STAU2: variants seen among roughly 807,000 people sequenced by gnomAD.
STAU2 encodes the protein double-stranded RNA-binding protein Staufen homolog 2.
Under a neutral mutation model 65.9 loss-of-function variants are expected in STAU2, and 20 were observed. The observed-to-expected ratio is 0.30, with a 90% CI of 0.21 to 0.44. The LOEUF (loss-of-function observed/expected upper bound fraction) is 0.44. Among genes scored for constraint, STAU2 ranks in the 20% least tolerant of loss-of-function variants. STAU2 has a pLI of 1.00. For missense variants in STAU2, 558 were observed against 683.9 expected, an observed-to-expected ratio of 0.82 and a Z score of 2.05; for synonymous variants, 232 against 233.9, an observed-to-expected ratio of 0.99 and a Z score of 0.07.
At chr8:73,605,836 TACACATACACAC>T (rs1811968502) in intron 9 of STAU2, among the ~76,000 whole-genome samples, 1 of 78,536 alleles carries the variant, frequency 1.3e-5, no homozygotes, top group Non-Finnish European at 2.7e-5. Flanking sequence ...TATACACACA[TACACATACACAC>T]ACACACACAC....
At chr8:73,469,518 G>C (rs1438972046) in intron 13 of STAU2, among the ~76,000 whole-genome samples, 3 of 151,544 alleles carry the variant, frequency 2.0e-5, no homozygotes, top group African/African-American at 7.3e-5. Flanking sequence ...CTGAGTAGAA[G>C]GACTGAGTAA....
chr8:73,617,509 T>C (rs1812915055), intron 6 of STAU2, 58 bp from the exon 7 acceptor site: 5 of 1,502,706 alleles, frequency 3.3e-6, no homozygotes, highest in Non-Finnish European at 3.6e-6. Flanking sequence ...CTATAATCAT[T>C]CATAAGATTT....
At chr8:73,626,074 TACACACACACAC>T (rs57076627) in intron 6 of STAU2, among the ~76,000 whole-genome samples, 1 of 146,060 alleles carries the variant, frequency 6.8e-6, no homozygotes, top group Non-Finnish European at 1.5e-5. Context: ...TAAGTACACA[TACACACACACAC>T]ACACACACAC....
At chr8:73,474,653 A>AG (rs2128907507) in intron 13 of STAU2, among the ~76,000 whole-genome samples, 1 of 152,224 alleles carries the variant, frequency 6.6e-6, no homozygotes, top group East Asian at 1.9e-4. Context: ...TAGGGGAGGA[A>AG]GAAAAAAAAA....
Position 73,591,877 on chromosome 8 carries a change from A to G in STAU2, c.1161+3289T>C, listed in dbSNP as rs1455792999. Among the ~76,000 whole-genome samples, 47 of 101,666 alleles carry G rather than the reference A, an allele frequency of 4.6e-4. 1 individual carries two copies. The highest frequency in any genetic ancestry group is 7.2e-4 in the Non-Finnish European group (38 of 52,702). 66.7% of individuals were successfully genotyped at this position (101,666 alleles called of 152,430 possible). ...TAAAAACCCATACAGCGTGTATCCCAGAGGTAAAAAAAAAAAAAAAAAAAA... is the reference window on the plus strand; with the variant it reads ...TAAAAACCCATACAGCGTGTATCCCGGAGGTAAAAAAAAAAAAAAAAAAAA... On this transcript the variant is annotated intron_variant, in intron 11 of 14. Transcript: ENST00000524300.
At chr8:73,585,351 A>G (rs1422796854) in intron 11 of STAU2, among the ~76,000 whole-genome samples, 1 of 152,206 alleles carries the variant, frequency 6.6e-6, no homozygotes, top group African/African-American at 2.4e-5. Context: ...ATGGTGGCCC[A>G]TGCCGGTAAT....
At chr8:73,620,649 A>G (rs2129919370) in intron 6 of STAU2, among the ~76,000 whole-genome samples, 1 of 152,360 alleles carries the variant, frequency 6.6e-6, no homozygotes, top group South Asian at 2.1e-4. Context: ...GTGGATATAT[A>G]TGTATATATA....
chr8:73,479,031 C>T (rs1473401262), intron 13 of STAU2, among the ~76,000 whole-genome samples: 1 of 152,030 alleles, frequency 6.6e-6, no homozygotes, highest in African/African-American at 2.4e-5. Flanking sequence ...TCCATGAACC[C>T]ATGCCCCAGA....
intron 5 of STAU2, among the ~76,000 whole-genome samples, chr8:73,682,380 G>C (rs1412688754): frequency 6.6e-6 from 1 of 151,442 alleles, no homozygotes; most frequent in Non-Finnish European, 1.5e-5. Context: ...AATGATTGTT[G>C]GGTCAACAAT....
chr8:73,456,311 C>T (rs1225581453), intron 13 of STAU2, among the ~76,000 whole-genome samples: 1 of 152,110 alleles, frequency 6.6e-6, no homozygotes, highest in East Asian at 1.9e-4. Context: ...TAAATAGGGC[C>T]TCTTTAAAAC....
At chr8:73,475,843 CA>C (rs1820297826) in intron 13 of STAU2, among the ~76,000 whole-genome samples, 1 of 152,132 alleles carries the variant, frequency 6.6e-6, no homozygotes, top group Non-Finnish European at 1.5e-5. Flanking sequence ...ACTGCTAAAC[CA>C]ATTTACTTTT....
intron 8 of STAU2, among the ~76,000 whole-genome samples, chr8:73,615,027 T>C (rs1230428523): frequency 6.6e-6 from 1 of 152,150 alleles, no homozygotes; most frequent in African/African-American, 2.4e-5. Flanking sequence ...TGTCATACAA[T>C]GTGAGGGAAG....
intron 13 of STAU2, among the ~76,000 whole-genome samples, chr8:73,446,954 G>A (rs1374527756): frequency 6.6e-6 from 1 of 152,128 alleles, no homozygotes. Flanking sequence ...GTTTGTTTGT[G>A]TTTTTGAGAC....
chr8:73,515,773 CTTTTTTTTTTTTTTTTT>C (rs75132374), intron 13 of STAU2, among the ~76,000 whole-genome samples: 1 of 90,936 alleles, frequency 1.1e-5, no homozygotes. Context: ...AAAAATTTCT[CTTTTTTTTTTTTTTTTT>C]TTTTTTTTTG....
At chr8:73,616,152 G>T (rs897218820) in intron 7 of STAU2, among the ~76,000 whole-genome samples, 2 of 152,090 alleles carry the variant, frequency 1.3e-5, no homozygotes, top group Non-Finnish European at 2.9e-5. Context: ...TGATCTATGA[G>T]GATGAAGTTA....
At chr8:73,618,497 G>C (rs879901869) in intron 6 of STAU2, among the ~76,000 whole-genome samples, 1 of 152,220 alleles carries the variant, frequency 6.6e-6, no homozygotes, top group African/African-American at 2.4e-5. Context: ...TCTGGCAAAA[G>C]TTTAGGGAGA....
At chr8:73,533,449 T>C (rs546141969) in intron 13 of STAU2, among the ~76,000 whole-genome samples, 1 of 152,368 alleles carries the variant, frequency 6.6e-6, no homozygotes, top group South Asian at 2.1e-4. Context: ...TGAGATGGTA[T>C]ACTAAGTTTC....
At position 73,420,411 on chromosome 8, in the gene STAU2, G is replaced by A. The variant is rs1021948560; in HGVS notation, c.*961C>T. The A allele has an allele frequency of 2.5e-5, 8 of 320,960 alleles. No homozygotes were observed. The highest frequency in any genetic ancestry group is 1.3e-4 in the South Asian group (5 of 38,522). 19.9% of individuals were successfully genotyped at this position (320,960 alleles called of 1,614,324 possible). A position where few individuals can be genotyped will look rare whatever the true frequency, so the allele number is the denominator to read the frequency against. On this transcript the variant is annotated 3_prime_UTR_variant, in exon 15 of 15. Coordinates refer to ENST00000524300, the MANE Select transcript of STAU2 (RefSeq NM_001164380.2). Reference sequence around the variant, plus strand: ...CACATTTTTACTGCATCTGCTCCACGCTGGATTCCAACATGCTGGCCCGGA... The same window carrying A: ...CACATTTTTACTGCATCTGCTCCACACTGGATTCCAACATGCTGGCCCGGA...
At position 73,548,093 on chromosome 8, in the gene STAU2, G is replaced by T. The variant is rs117863713; in HGVS notation, c.1530+3919C>A. Reference sequence around the variant, plus strand: ...CGTCCATGAACTTTGGTATCTTTGGGGGTCCTAGAACCAATCCTTCCTGCA... The same window carrying T: ...CGTCCATGAACTTTGGTATCTTTGGTGGTCCTAGAACCAATCCTTCCTGCA... On this transcript the variant is annotated intron_variant, in intron 13 of 14. Transcript: ENST00000524300. Among the ~76,000 whole-genome samples, 17 of 151,978 alleles carry T rather than the reference G, an allele frequency of 1.1e-4. No homozygotes were observed. In the East Asian group the frequency reaches 3.3e-3, roughly 29 times the overall value.
Sources: gnomAD v4.1 joint callset for allele counts (sites outside exome capture counted in the v4.1 genomes callset) on GRCh38, gnomAD v4.1.1 for gene constraint, MANE v1.5 for transcripts, NCBI Gene and HGNC (gene_info 2026-07-23, HGNC 2026-07-21) for gene names.